HDAC9: variants seen among roughly 807,000 people sequenced by gnomAD.
HDAC9 encodes the protein MEF-2 interacting transcription repressor (MITR) protein.
Under a neutral mutation model 139.4 loss-of-function variants are expected in HDAC9, and 41 were observed. The ratio of observed to expected loss-of-function variants is 0.29; its 90% confidence interval spans 0.23 to 0.38. The LOEUF is 0.38. HDAC9 is among the 10% of genes least tolerant of loss of function. The pLI is 1.00. For missense variants in HDAC9, 1,147 were observed against 1,297.0 expected, an observed-to-expected ratio of 0.88 and a Z score of 1.78; for synonymous variants, 517 against 476.2, an observed-to-expected ratio of 1.09 and a Z score of -1.12.
At chr7:18,439,231 C>G (rs563375412) in intron 1 of HDAC9, among the ~76,000 whole-genome samples, 4 of 152,324 alleles carry the variant, frequency 2.6e-5, no homozygotes, top group African/African-American at 9.6e-5. Context: ...CTCTCTCTTT[C>G]TCTGTGACTA....
At chr7:18,165,810 A>AAAG (rs1787970393) in intron 2 of HDAC9, among the ~76,000 whole-genome samples, 1 of 151,796 alleles carries the variant, frequency 6.6e-6, no homozygotes, top group Non-Finnish European at 1.5e-5. Flanking sequence ...AAAAAAAAAA[A>AAAG]AAAGAAAGAA....
chr7:18,921,949 A>G (rs527289470), intron 22 of HDAC9, among the ~76,000 whole-genome samples: 44 of 152,066 alleles, frequency 2.9e-4, no homozygotes, highest in Admixed American at 5.2e-4. Context: ...GAAGCTGGAA[A>G]CCATCATTCT....
At chr7:18,980,914 C>T (rs1327095184) in intron 25 of HDAC9, among the ~76,000 whole-genome samples, 1 of 151,920 alleles carries the variant, frequency 6.6e-6, no homozygotes, top group African/African-American at 2.4e-5. Flanking sequence ...ACCTCCACCT[C>T]CCGGGTTCAA....
chr7:18,407,641 T>A (rs1452883885), intron 1 of HDAC9, among the ~76,000 whole-genome samples: 2 of 152,202 alleles, frequency 1.3e-5, no homozygotes, highest in Admixed American at 6.5e-5. Context: ...GCAGTTTGAA[T>A]TCTTGAAACC....
intron 2 of HDAC9, among the ~76,000 whole-genome samples, chr7:18,509,671 A>G (rs1800868707): frequency 6.6e-6 from 1 of 152,144 alleles, no homozygotes; most frequent in African/African-American, 2.4e-5. Flanking sequence ...GCCCAATGCA[A>G]ATGTTACCTA....
At chr7:18,513,028 G>A (rs1237151189) in intron 2 of HDAC9, among the ~76,000 whole-genome samples, 2 of 152,164 alleles carry the variant, frequency 1.3e-5, no homozygotes, top group East Asian at 3.8e-4. Context: ...ATGGAAAGAG[G>A]ACAAACTGTT....
chr7:18,323,597 A>G (rs1385040861), intron 1 of HDAC9, among the ~76,000 whole-genome samples: 2 of 152,150 alleles, frequency 1.3e-5, no homozygotes, highest in Non-Finnish European at 2.9e-5. Context: ...GCCTAGAGGC[A>G]TTGTATCTTT....
At chr7:18,776,653 T>C (rs1349507847) in intron 16 of HDAC9, among the ~76,000 whole-genome samples, 2 of 151,950 alleles carry the variant, frequency 1.3e-5, no homozygotes, top group Admixed American at 6.6e-5. Flanking sequence ...TGGAGTCTTG[T>C]AGTGTTGGGG....
chr7:18,110,186 T>G (rs1159148980), intron 1 of HDAC9, among the ~76,000 whole-genome samples: 1 of 152,230 alleles, frequency 6.6e-6, no homozygotes, highest in Non-Finnish European at 1.5e-5. Context: ...AACAAATGGT[T>G]TGTCTTTTTA....
At chr7:18,983,455 G>T (rs1785090539) in intron 25 of HDAC9, among the ~76,000 whole-genome samples, 2 of 151,924 alleles carry the variant, frequency 1.3e-5, no homozygotes, top group Admixed American at 1.3e-4. Context: ...CAGTTTTTTT[G>T]GATGATATAT....
intron 1 of HDAC9, among the ~76,000 whole-genome samples, chr7:18,351,620 C>T (rs1782854052): frequency 6.6e-6 from 1 of 152,124 alleles, no homozygotes. Context: ...TGAATCTCAG[C>T]TCTATCATGT....
intron 2 of HDAC9, among the ~76,000 whole-genome samples, chr7:18,582,022 G>T (rs189690260): frequency 3.3e-5 from 5 of 152,282 alleles, no homozygotes; most frequent in Non-Finnish European, 7.4e-5. Context: ...ACCCAAGATT[G>T]ATATCAGTCT....
chr7:18,864,136 C>G (rs1161830465), intron 21 of HDAC9, among the ~76,000 whole-genome samples: 1 of 152,096 alleles, frequency 6.6e-6, no homozygotes, highest in Non-Finnish European at 1.5e-5. Flanking sequence ...ACTTAAGTGT[C>G]CCTGGATGGA....
Position 18,793,349 on chromosome 7 carries a change from A to G in HDAC9, c.2219A>G (p.Asp740Gly). 1 of 1,569,766 alleles carries G rather than the reference A, an allele frequency of 6.4e-7. No individual in the cohort carries two copies. The change falls in exon 17 of 26, where the codon GAC (aspartate) becomes GGC (glycine). Residue 740 changes from aspartate to glycine, a missense_variant. Asp to Gly is a moderately conservative substitution (Grantham distance 94, BLOSUM62 -1). This residue lies in a region of HDAC9 where 407 missense variants were observed against 521.5 expected (regional missense o/e 0.78). Coordinates refer to ENST00000686413, the MANE Select transcript of HDAC9 (RefSeq NM_178425.4). ...CTCTGCTGACTGTTTGCTCAGGTGG[A>G]CAGTGACACCATTTGGAATGAGCTA... ...SSLPCGGLGV[D>G]SDTIWNELHS... is the part of the protein sequence containing the mutation.
intron 2 of HDAC9, among the ~76,000 whole-genome samples, chr7:18,273,457 A>AT (rs1352052364): frequency 6.6e-6 from 1 of 152,188 alleles, no homozygotes; most frequent in Non-Finnish European, 1.5e-5. Context: ...CACATAATAT[A>AT]TACATATCTG....
chr7:18,098,445 T>C (rs1782648455), intron 1 of HDAC9, among the ~76,000 whole-genome samples: 2 of 152,252 alleles, frequency 1.3e-5, no homozygotes, highest in Non-Finnish European at 2.9e-5. Context: ...ATTTTCTGTT[T>C]ACTGCTAGAG....
chr7:18,994,931 T>C (rs577915980), intron 25 of HDAC9, among the ~76,000 whole-genome samples: 14 of 152,164 alleles, frequency 9.2e-5, no homozygotes, highest in Non-Finnish European at 1.9e-4. Flanking sequence ...TTCCGCTACC[T>C]AGAGAGAAGC....
intron 2 of HDAC9, among the ~76,000 whole-genome samples, chr7:18,197,379 C>G (rs1028906514): frequency 7.9e-5 from 12 of 152,110 alleles, no homozygotes; most frequent in Non-Finnish European, 1.6e-4. Flanking sequence ...AAAGGGCAGT[C>G]AATTTTGATG....
At chr7:18,737,262 T>C (rs1178784858) in intron 13 of HDAC9, among the ~76,000 whole-genome samples, 1 of 152,224 alleles carries the variant, frequency 6.6e-6, no homozygotes, top group African/African-American at 2.4e-5. Flanking sequence ...TAGTTATTTC[T>C]TGCTTTCCGC....
Sources: allele counts gnomAD v4.1 joint callset (sites outside exome capture counted in the v4.1 genomes callset), GRCh38; gene constraint gnomAD v4.1.1; regional missense constraint gnomAD v4.1.1; transcripts MANE v1.5; gene names NCBI Gene and HGNC (gene_info 2026-07-23, HGNC 2026-07-21).